The following NAALADL2 variants were observed in gnomAD, a reference collection of about 807,000 sequenced individuals.
NAALADL2 encodes the protein inactive N-acetylated-alpha-linked acidic dipeptidase-like protein 2.
A neutral mutation model predicts 87.2 loss-of-function variants in NAALADL2; 76 were observed. The observed-to-expected ratio is 0.87, with a 90% CI of 0.72 to 1.05. The LOEUF (loss-of-function observed/expected upper bound fraction) is 1.05. Ranked by LOEUF, NAALADL2 falls within the 50% of genes least tolerant of loss-of-function variation. The pLI, the probability that NAALADL2 is intolerant of heterozygous loss-of-function variation, is 0.00. For synonymous variants in NAALADL2, 354 were observed against 331.0 expected (o/e 1.07, Z -0.75); for missense variants, 1,089 against 945.8 (o/e 1.15, Z -1.99).
chr3:175,788,734 A>G (rs772589398), intron 13 of NAALADL2, among the ~76,000 whole-genome samples: 1 of 152,210 alleles, frequency 6.6e-6, no homozygotes, highest in Admixed American at 6.5e-5. Flanking sequence ...TCATGGCTAG[A>G]TGGTCACATA....
At chr3:174,701,270 A>T (rs1054303368) in intron 2 of NAALADL2, among the ~76,000 whole-genome samples, 3 of 151,608 alleles carry the variant, frequency 2.0e-5, no homozygotes, top group African/African-American at 7.3e-5. Context: ...ATATCAAATT[A>T]TATCTCATAT....
intron 2 of NAALADL2, among the ~76,000 whole-genome samples, chr3:174,582,706 C>T (rs757125852): frequency 3.9e-5 from 6 of 151,918 alleles, no homozygotes; most frequent in South Asian, 2.1e-4. Context: ...CTCAGCCTCC[C>T]GAGTAGCTGG....
In NAALADL2 at chr3:174,522,080, C is replaced by T. The variant is rs144677728; in HGVS notation, c.-183-28489C>T. On this transcript the variant is annotated intron_variant, in intron 1 of 3. Coordinates refer to the NAALADL2 transcript ENST00000434257. ...CACCACTACACTCCAGCCTGGGCAA[C>T]AGAGTGAGACTCTGTCTCAAAAGAA... Among the ~76,000 whole-genome samples the T allele has an allele frequency of 6.9e-3, 1,052 of 152,236 alleles. 12 individuals are homozygous for T. Among genetic ancestry groups the T allele is most frequent in the East Asian group, 0.047 (241 of 5,168 alleles).
chr3:174,815,090 T>TCCTG (rs1720644011), intron 3 of NAALADL2, among the ~76,000 whole-genome samples: 1 of 152,172 alleles, frequency 6.6e-6, no homozygotes, highest in East Asian at 1.9e-4. Context: ...ATGTTAAAGG[T>TCCTG]CCTGGTTCTA....
At chr3:175,218,092 C>T (rs1340346811) in intron 2 of NAALADL2, 1 of 437,354 alleles carries the variant, frequency 2.3e-6, no homozygotes, top group Admixed American at 2.5e-5. Flanking sequence ...ATGAAGCACA[C>T]TGGATGAATG....
intron 2 of NAALADL2, among the ~76,000 whole-genome samples, chr3:175,121,607 C>G (rs374073334): frequency 6.6e-6 from 1 of 151,786 alleles, no homozygotes; most frequent in Non-Finnish European, 1.5e-5. Context: ...TTCCAACATC[C>G]AGTTAAAATT....
At chr3:174,708,468 A>T (rs1730309920) in intron 2 of NAALADL2, among the ~76,000 whole-genome samples, 1 of 152,208 alleles carries the variant, frequency 6.6e-6, no homozygotes, top group Non-Finnish European at 1.5e-5. Flanking sequence ...TATGCAGATT[A>T]TGATAAATTT....
intron 11 of NAALADL2, among the ~76,000 whole-genome samples, chr3:175,644,313 TTATG>T (rs1729693381): frequency 6.6e-6 from 1 of 152,120 alleles, no homozygotes; most frequent in Non-Finnish European, 1.5e-5. Context: ...GCCAATATCT[TTATG>T]TTTTTAGTCC....
intron 13 of NAALADL2, among the ~76,000 whole-genome samples, chr3:175,772,002 C>T (rs1368714961): frequency 6.6e-6 from 1 of 152,076 alleles, no homozygotes; most frequent in Non-Finnish European, 1.5e-5. Flanking sequence ...GATTCAGTTA[C>T]CCTCTACTGG....
At chr3:175,382,012 G>T (rs1767844155) in intron 5 of NAALADL2, among the ~76,000 whole-genome samples, 1 of 152,156 alleles carries the variant, frequency 6.6e-6, no homozygotes, top group African/African-American at 2.4e-5. Context: ...TAACTGCTGT[G>T]TCTTGTCCTG....
intron 10 of NAALADL2, among the ~76,000 whole-genome samples, chr3:175,615,319 C>A (rs1411530407): frequency 6.6e-6 from 1 of 151,970 alleles, no homozygotes; most frequent in African/African-American, 2.4e-5. Context: ...AAGCCTCTTT[C>A]CTTAATCTGC....
intron 2 of NAALADL2, among the ~76,000 whole-genome samples, chr3:174,642,739 TG>T (rs1723347931): frequency 7.4e-6 from 1 of 135,092 alleles, no homozygotes; most frequent in Non-Finnish European, 1.6e-5. Flanking sequence ...ATCAGTGCCA[TG>T]AAAAAAAACA....
chr3:175,450,725 C>T (rs769476216), intron 6 of NAALADL2, among the ~76,000 whole-genome samples: 4 of 152,042 alleles, frequency 2.6e-5, no homozygotes, highest in Non-Finnish European at 4.4e-5. Flanking sequence ...GGGATATTGC[C>T]AAAGCTACTC....
At chr3:174,526,095 A>G (rs1720720418) in intron 1 of NAALADL2, among the ~76,000 whole-genome samples, 1 of 152,228 alleles carries the variant, frequency 6.6e-6, no homozygotes, top group Non-Finnish European at 1.5e-5. Context: ...CATTTGTTGA[A>G]TAATGACTTT....
rs1210557014 is a variant in NAALADL2, at chr3:175,447,275, G to A, written c.1137G>A (p.Val379=). Reference sequence around the variant, plus strand: ...GATCAAACCTCACCTCTCTATTAGTGCAGCCCATCTCTGCACCCCTCGTTG... The same window carrying A: ...GATCAAACCTCACCTCTCTATTAGTACAGCCCATCTCTGCACCCCTCGTTG... ...QSRSNLTSLL[V]QPISAPLVAK... The change falls in exon 6 of 14, where the codon GTG becomes GTA. Residue 379 remains valine (V), a synonymous_variant. Transcript: ENST00000454872. 5.6e-6 allele frequency: 9 copies of A among 1,606,812 alleles called. No homozygotes were observed. Among genetic ancestry groups the A allele is most frequent in the Admixed American group, 1.7e-5 (1 of 59,018 alleles).
chr3:174,673,068 T>C (rs1726723031), intron 2 of NAALADL2, among the ~76,000 whole-genome samples: 1 of 152,076 alleles, frequency 6.6e-6, no homozygotes, highest in Non-Finnish European at 1.5e-5. Flanking sequence ...CGTGATGTGT[T>C]ATTAAAGAAA....
At chr3:174,849,441 TA>T (rs2109465495) in intron 3 of NAALADL2, among the ~76,000 whole-genome samples, 1 of 152,108 alleles carries the variant, frequency 6.6e-6, no homozygotes, top group South Asian at 2.1e-4. Context: ...TTTTTTTTGC[TA>T]AAAATGAAGA....
chr3:174,760,893 C>G (rs913343950), intron 3 of NAALADL2, among the ~76,000 whole-genome samples: 1 of 152,086 alleles, frequency 6.6e-6, no homozygotes, highest in African/African-American at 2.4e-5. Context: ...TGTGATTGTC[C>G]AAGTCTAGCA....
chr3:174,897,262 AC>A (rs1227259607), intron 1 of NAALADL2, among the ~76,000 whole-genome samples: 1 of 152,134 alleles, frequency 6.6e-6, no homozygotes, highest in East Asian at 1.9e-4. Context: ...TTTACAAATT[AC>A]CCCTCTGACA....
Sources: allele counts gnomAD v4.1 joint callset (sites outside exome capture counted in the v4.1 genomes callset), GRCh38; gene constraint gnomAD v4.1.1; transcripts MANE v1.5; gene names NCBI Gene and HGNC (gene_info 2026-07-23, HGNC 2026-07-21).